The following ATOSA variants were observed in gnomAD, a reference collection of about 807,000 sequenced individuals.
The protein encoded by ATOSA is atos homolog protein A.
At chr15:52,673,462 T>A in the ATOSA span, among the ~76,000 whole-genome samples, 5 of 152,258 alleles carry the variant, frequency 3.3e-5, no homozygotes, top group African/African-American at 1.2e-4. Flanking sequence ...CAAACTTCTC[T>A]ATGACTCAGT....
At chr15:52,656,033 A>G in the ATOSA span, 1 of 152,138 alleles carries the variant, frequency 6.6e-6, no homozygotes, top group Non-Finnish European at 1.5e-5. Context: ...ACACACACAA[A>G]TAACAGCAAT....
chr15:52,698,001 G>C, the ATOSA span, among the ~76,000 whole-genome samples: 63 of 89,712 alleles, frequency 7.0e-4, no homozygotes, highest in African/African-American at 2.6e-3. Flanking sequence ...TTGTGAGACA[G>C]AGTCTGGCTG....
At chr15:52,621,854 CTT>C in the ATOSA span, among the ~76,000 whole-genome samples, 3 of 144,822 alleles carry the variant, frequency 2.1e-5, no homozygotes, top group African/African-American at 2.5e-5. Flanking sequence ...CTTACTTTTT[CTT>C]TTTTTTTTTT....
the ATOSA span, among the ~76,000 whole-genome samples, chr15:52,701,512 G>A: frequency 3.3e-5 from 5 of 152,208 alleles, no homozygotes; most frequent in Non-Finnish European, 5.9e-5. Flanking sequence ...TGAGATTTCA[G>A]TACAACTGGT....
At chr15:52,583,760 T>C in the ATOSA span, among the ~76,000 whole-genome samples, 144 of 152,364 alleles carry the variant, frequency 9.5e-4, 1 homozygote, top group Middle Eastern at 6.8e-3. Flanking sequence ...TGTGTAACAT[T>C]TCCCATGTGG....
chr15:52,586,043 A>C, the ATOSA span: 8 of 152,230 alleles, frequency 5.3e-5, no homozygotes, highest in African/African-American at 1.9e-4. Flanking sequence ...GGCAGTCTCC[A>C]AACAAGAGGT....
the ATOSA span, among the ~76,000 whole-genome samples, chr15:52,632,130 T>G: frequency 1.3e-5 from 2 of 152,148 alleles, no homozygotes; most frequent in Non-Finnish European, 2.9e-5. Flanking sequence ...AAAAACATCT[T>G]AAAGTGGAAA....
the ATOSA span, among the ~76,000 whole-genome samples, chr15:52,655,021 C>T: frequency 2.6e-5 from 4 of 152,066 alleles, no homozygotes; most frequent in Admixed American, 6.6e-5. Context: ...GTACTCTTCT[C>T]TGATCCTCAG....
the ATOSA span, among the ~76,000 whole-genome samples, chr15:52,584,106 A>AG: frequency 6.6e-6 from 1 of 151,068 alleles, no homozygotes; most frequent in African/African-American, 2.4e-5. Flanking sequence ...AAAAAAAAAA[A>AG]AAAAGAAAAA....
the ATOSA span, among the ~76,000 whole-genome samples, chr15:52,693,591 T>A: frequency 6.6e-6 from 1 of 152,072 alleles, no homozygotes; most frequent in Non-Finnish European, 1.5e-5. Flanking sequence ...ATACTATCAC[T>A]TAGAAATAAA....
chr15:52,605,326 C>A, the ATOSA span: 1 of 1,004,222 alleles, frequency 1.0e-6, no homozygotes, highest in Non-Finnish European at 1.5e-6. Context: ...TGTTTTTAGA[C>A]TCATTCCTAA....
the ATOSA span, among the ~76,000 whole-genome samples, chr15:52,615,198 G>T: frequency 1.4e-4 from 21 of 152,142 alleles, no homozygotes; most frequent in Admixed American, 1.2e-3. Flanking sequence ...GTGGTATTCT[G>T]GTTATTACAG....
At chr15:52,662,626 A>C in the ATOSA span, among the ~76,000 whole-genome samples, 14 of 150,362 alleles carry the variant, frequency 9.3e-5, no homozygotes, top group East Asian at 1.9e-4. Context: ...AAAAATTAGC[A>C]GGGCACGGTG....
the ATOSA span, among the ~76,000 whole-genome samples, chr15:52,624,783 T>A: frequency 2.0e-5 from 3 of 151,196 alleles, no homozygotes; most frequent in African/African-American, 7.3e-5. Flanking sequence ...CCTGCTTATT[T>A]TTTTTTTTTT....
chr15:52,622,614 G>C, the ATOSA span, among the ~76,000 whole-genome samples: 85 of 152,294 alleles, frequency 5.6e-4, no homozygotes, highest in African/African-American at 1.9e-3. Flanking sequence ...ATATGAGAAT[G>C]ATTATGGCAA....
the ATOSA span, among the ~76,000 whole-genome samples, chr15:52,672,171 T>TAAAAAAAAA: frequency 2.5e-4 from 2 of 8,082 alleles, no homozygotes; most frequent in Non-Finnish European, 1.3e-3. Flanking sequence ...ACCCCATTTC[T>TAAAAAAAAA]CAAAAAAAAA....
the ATOSA span, among the ~76,000 whole-genome samples, chr15:52,638,347 A>T: frequency 2.0e-5 from 3 of 152,298 alleles, no homozygotes; most frequent in Non-Finnish European, 2.9e-5. Flanking sequence ...GAAAAAATAC[A>T]TATCCTATTC....
At chr15:52,597,783 G>A in the ATOSA span, among the ~76,000 whole-genome samples, 1 of 152,278 alleles carries the variant, frequency 6.6e-6, no homozygotes, top group East Asian at 1.9e-4. Flanking sequence ...AAGAAGAATT[G>A]TCTTGGGGCA....
At chr15:52,704,909 G>C in the ATOSA span, among the ~76,000 whole-genome samples, 701 of 152,256 alleles carry the variant, frequency 4.6e-3, 9 homozygotes, top group South Asian at 0.021. Context: ...GTTGGTGGGA[G>C]TGTAAATTAA....
Sources: gnomAD v4.1 joint callset for allele counts (sites outside exome capture counted in the v4.1 genomes callset) on GRCh38, gnomAD v4.1.1 for gene constraint, MANE v1.5 for transcripts, NCBI Gene and HGNC (gene_info 2026-07-23, HGNC 2026-07-21) for gene names.